EPHA6: variants seen among roughly 807,000 people sequenced by gnomAD.
The protein encoded by EPHA6 is EPH receptor A6.
In EPHA6, 50 loss-of-function variants were observed where a neutral mutation model predicts 112.0. That is an observed-to-expected ratio of 0.45 (90% CI 0.36 to 0.56). The LOEUF is 0.56. Ranked by LOEUF, EPHA6 falls within the 20% of genes least tolerant of loss-of-function variation. The probability of loss-of-function intolerance (pLI) is 0.00; values close to 1 mark genes in which losing one functional copy is unlikely to be tolerated. For synonymous variants in EPHA6, 529 were observed against 490.7 expected (o/e 1.08, Z -1.03); for missense variants, 1,280 against 1,417.4 (o/e 0.90, Z 1.56).
At chr3:97,186,966 C>A (rs2077156740) in intron 3 of EPHA6, among the ~76,000 whole-genome samples, 1 of 152,092 alleles carries the variant, frequency 6.6e-6, no homozygotes, top group African/African-American at 2.4e-5. Context: ...CTTGCCTGGC[C>A]TAGAAGACCA....
At chr3:97,211,868 A>G (rs1265548117) in intron 3 of EPHA6, among the ~76,000 whole-genome samples, 2 of 152,202 alleles carry the variant, frequency 1.3e-5, no homozygotes, top group African/African-American at 4.8e-5. Flanking sequence ...CACATTCTTT[A>G]TTTACTTTGT....
intron 3 of EPHA6, among the ~76,000 whole-genome samples, chr3:97,140,130 T>C (rs2075863541): frequency 6.6e-6 from 1 of 151,870 alleles, no homozygotes; most frequent in Admixed American, 6.6e-5. Flanking sequence ...ATCTTTTGAA[T>C]TAACCTAGTC....
chr3:97,032,834 T>A (rs1210836841), intron 3 of EPHA6, among the ~76,000 whole-genome samples: 1 of 152,078 alleles, frequency 6.6e-6, no homozygotes, highest in Non-Finnish European at 1.5e-5. Flanking sequence ...AAATATTTTT[T>A]ATCGGCTGAA....
At chr3:97,320,621 T>G (rs904687761) in intron 5 of EPHA6, among the ~76,000 whole-genome samples, 3 of 151,770 alleles carry the variant, frequency 2.0e-5, no homozygotes, top group Non-Finnish European at 4.4e-5. Context: ...TCCCCAAGAC[T>G]TATGTTTGTG....
intron 6 of EPHA6, among the ~76,000 whole-genome samples, chr3:97,439,293 T>C (rs932401702): frequency 3.3e-5 from 5 of 152,206 alleles, no homozygotes; most frequent in African/African-American, 1.2e-4. Flanking sequence ...TACTTAATGA[T>C]ACGTCCCCAG....
chr3:97,395,919 C>T (rs1000536354), intron 5 of EPHA6, among the ~76,000 whole-genome samples: 12 of 151,578 alleles, frequency 7.9e-5, no homozygotes, highest in Non-Finnish European at 1.6e-4. Flanking sequence ...TAATTCTATT[C>T]ATGCTAAAAA....
At chr3:96,967,562 G>A (rs1286251892) in intron 2 of EPHA6, among the ~76,000 whole-genome samples, 7 of 151,472 alleles carry the variant, frequency 4.6e-5, no homozygotes, top group South Asian at 2.1e-4. Flanking sequence ...TACATATGTT[G>A]CCAAGTTTTT....
In EPHA6 at chr3:96,884,011, G is replaced by A. The variant is rs149243936; in HGVS notation, c.450+17122G>A. Among the ~76,000 whole-genome samples, 746 of 152,012 alleles carry A rather than the reference G, an allele frequency of 4.9e-3. 4 individuals are homozygous for A. Among genetic ancestry groups the A allele is most frequent in the African/African-American group, 0.016 (664 of 41,466 alleles). ...CATTTTATGTTTTTGTTTGCTTTTCGAAGATCAGTTGGCTTTTAAGTATTT... is the reference window on the plus strand; with the variant it reads ...CATTTTATGTTTTTGTTTGCTTTTCAAAGATCAGTTGGCTTTTAAGTATTT... On this transcript the variant is annotated intron_variant, in intron 2 of 17. Coordinates refer to ENST00000389672, the MANE Select transcript of EPHA6 (RefSeq NM_001080448.3).
chr3:97,479,373 C>A lies in EPHA6; in HGVS notation c.2074+9C>A, dbSNP rs756709133. On this transcript the variant is annotated intron_variant, in intron 9 of 17. Transcript: ENST00000389672. The stretch of plus-strand genomic sequence containing the variant: ...CTTACAGAATGGGCATTGTAAGTAG[C>A]GCAGGGACTTTCTTTCATTATTTTG... The A allele has an allele frequency of 3.8e-6, 6 of 1,580,402 alleles. No individual in the cohort carries two copies. The African/African-American group carries it at 4.1e-5, about 11-fold the overall frequency.
rs1228060864 is a variant in EPHA6 at position 97,610,798 on chromosome 3, C to A, written c.2518C>A (p.Pro840Thr). The A allele has an allele frequency of 4.3e-6, 7 of 1,611,222 alleles. No homozygotes were observed. The Admixed American group carries it at 1.2e-4, about 27-fold the overall frequency. The change falls in exon 13 of 18, where the codon CCA becomes ACA. Residue 840 changes from proline (P) to threonine (T), a missense_variant. Transcript: ENST00000389672. ...ATTCTCTTGCTCTTTTGCAGGCAGACCAGTAATGATTGTGGTGGAATATAT... is the reference window on the plus strand; with the variant it reads ...ATTCTCTTGCTCTTTTGCAGGCAGAACAGTAATGATTGTGGTGGAATATAT... ...SLPPRIPAGR[P>T]VMIVVEYMEN...
At chr3:97,298,802 T>C (rs2080975748) in intron 5 of EPHA6, among the ~76,000 whole-genome samples, 1 of 152,126 alleles carries the variant, frequency 6.6e-6, no homozygotes, top group South Asian at 2.1e-4. Flanking sequence ...TTCCAATCTC[T>C]ACCAAATCAC....
intron 13 of EPHA6, among the ~76,000 whole-genome samples, chr3:97,616,057 T>G (rs1373282748): frequency 6.6e-6 from 1 of 152,084 alleles, no homozygotes; most frequent in African/African-American, 2.4e-5. Context: ...CCAGCCGCCT[T>G]CTACAAGTGT....
At chr3:97,650,084 A>G (rs571892147) in intron 14 of EPHA6, among the ~76,000 whole-genome samples, 1 of 152,146 alleles carries the variant, frequency 6.6e-6, no homozygotes, top group African/African-American at 2.4e-5. Context: ...TCTTGAGCCC[A>G]TTTGTCAGAA....
intron 3 of EPHA6, among the ~76,000 whole-genome samples, chr3:97,001,802 G>C (rs538978070): frequency 1.2e-4 from 18 of 152,088 alleles, no homozygotes; most frequent in African/African-American, 3.6e-4. Context: ...ACCAAAAATA[G>C]ATGGGAACAT....
intron 1 of EPHA6, among the ~76,000 whole-genome samples, chr3:96,820,090 G>A (rs139815076): frequency 5.9e-5 from 9 of 152,154 alleles, no homozygotes; most frequent in African/African-American, 1.9e-4. Context: ...GACTGAGCAA[G>A]GGTCTCGAAG....
intron 4 of EPHA6, among the ~76,000 whole-genome samples, chr3:97,234,434 A>G (rs1378961145): frequency 2.6e-5 from 4 of 152,152 alleles, no homozygotes; most frequent in African/African-American, 9.7e-5. Context: ...TGTTGCATTT[A>G]GATGTTCCCA....
At chr3:96,941,933 T>C (rs542136893) in intron 2 of EPHA6, among the ~76,000 whole-genome samples, 2 of 152,092 alleles carry the variant, frequency 1.3e-5, no homozygotes, top group South Asian at 4.1e-4. Flanking sequence ...AACAGCGGAT[T>C]TTCATGAACG....
Position 97,669,087 on chromosome 3 carries a change from T to C in EPHA6, c.2784+31005T>C, listed in dbSNP as rs146221179. The stretch of plus-strand genomic sequence containing the variant: ...CTAAGGTCTGGGCTTCCTTTTAGAA[T>C]GTTAGTGAGTCATCCCTGAGTTGCG... On this transcript the variant is annotated intron_variant, in intron 14 of 17. Coordinates refer to ENST00000389672, the MANE Select transcript of EPHA6 (RefSeq NM_001080448.3). 4.9e-4 allele frequency among the ~76,000 whole-genome samples: 74 copies of C among 152,160 alleles called. 1 individual carries two copies. The East Asian group carries it at 0.014, about 29-fold the overall frequency.
At chr3:97,488,092 A>G (rs190524195) in intron 10 of EPHA6, among the ~76,000 whole-genome samples, 2 of 152,328 alleles carry the variant, frequency 1.3e-5, no homozygotes, top group Admixed American at 1.3e-4. Flanking sequence ...TATTCCATTG[A>G]AAAAATGATT....
Sources: gnomAD v4.1 joint callset for allele counts (sites outside exome capture counted in the v4.1 genomes callset) on GRCh38, gnomAD v4.1.1 for gene constraint, MANE v1.5 for transcripts, NCBI Gene and HGNC (gene_info 2026-07-23, HGNC 2026-07-21) for gene names.